The following MATN2 variants were observed in gnomAD, a reference collection of about 807,000 sequenced individuals.
The protein encoded by MATN2 is matrilin-2.
A neutral mutation model predicts 103.2 loss-of-function variants in MATN2; 69 were observed. The observed-to-expected ratio is 0.67, with a 90% CI of 0.55 to 0.82. The LOEUF (loss-of-function observed/expected upper bound fraction) is 0.82. MATN2 is among the 40% of genes least tolerant of loss of function. MATN2 has a pLI of 0.00. For synonymous variants in MATN2, 429 were observed against 450.2 expected, an observed-to-expected ratio of 0.95 and a Z score of 0.60; for missense variants, 1,023 against 1,211.5, an observed-to-expected ratio of 0.84 and a Z score of 2.31.
intron 6 of MATN2, among the ~76,000 whole-genome samples, chr8:97,990,498 C>T (rs1192844948): frequency 6.6e-6 from 1 of 152,188 alleles, no homozygotes; most frequent in African/African-American, 2.4e-5. Context: ...AAGCATATGT[C>T]CACACAAAAA....
At chr8:97,909,524 CTCT>C (rs1819288670) in intron 2 of MATN2, among the ~76,000 whole-genome samples, 1 of 152,136 alleles carries the variant, frequency 6.6e-6, no homozygotes, top group Non-Finnish European at 1.5e-5. Context: ...GAGAAGGTGA[CTCT>C]TCTTCACATA....
chr8:97,871,432 G>A (rs1322898985), intron 1 of MATN2, among the ~76,000 whole-genome samples: 1 of 152,194 alleles, frequency 6.6e-6, no homozygotes, highest in African/African-American at 2.4e-5. Flanking sequence ...CAGTAGGAGA[G>A]GTGAGTGGTT....
intron 2 of MATN2, among the ~76,000 whole-genome samples, chr8:97,918,302 G>A (rs1377913861): frequency 6.6e-6 from 1 of 152,110 alleles, no homozygotes; most frequent in East Asian, 1.9e-4. Flanking sequence ...TTGAGGCCAG[G>A]ACCTGACGAT....
intron 7 of MATN2, among the ~76,000 whole-genome samples, chr8:98,003,233 C>A (rs994977855): frequency 3.9e-5 from 6 of 152,262 alleles, no homozygotes; most frequent in Admixed American, 6.5e-5. Flanking sequence ...CAGGTGTTTG[C>A]GTTTGCTGTC....
intron 7 of MATN2, among the ~76,000 whole-genome samples, chr8:97,997,363 A>G (rs978391925): frequency 2.6e-5 from 4 of 152,360 alleles, no homozygotes; most frequent in South Asian, 2.1e-4. Flanking sequence ...CTGTAGGAAC[A>G]GGACTTCCTG....
At chr8:97,972,519 G>A (rs1297438904) in intron 5 of MATN2, among the ~76,000 whole-genome samples, 1 of 152,062 alleles carries the variant, frequency 6.6e-6, no homozygotes, top group Non-Finnish European at 1.5e-5. Flanking sequence ...TGACAAATTT[G>A]GTTTTTCTTA....
chr8:97,913,861 C>T (rs1203711516), intron 2 of MATN2, among the ~76,000 whole-genome samples: 1 of 152,198 alleles, frequency 6.6e-6, no homozygotes, highest in Admixed American at 6.5e-5. Flanking sequence ...CCGATCCGCC[C>T]GCCTTGGCCT....
At chr8:97,958,471 C>T (rs1332246384) in intron 4 of MATN2, among the ~76,000 whole-genome samples, 2 of 152,188 alleles carry the variant, frequency 1.3e-5, no homozygotes, top group African/African-American at 2.4e-5. Flanking sequence ...TAAACACATA[C>T]GTAGTTAACA....
At chr8:97,963,184 G>A (rs1811369529) in intron 5 of MATN2, among the ~76,000 whole-genome samples, 1 of 152,166 alleles carries the variant, frequency 6.6e-6, no homozygotes, top group African/African-American at 2.4e-5. Flanking sequence ...TTAACAAAAT[G>A]AGGTCACACT....
intron 2 of MATN2, among the ~76,000 whole-genome samples, chr8:97,910,844 G>T (rs192472345): frequency 2.5e-3 from 375 of 152,266 alleles, no homozygotes; most frequent in Non-Finnish European, 4.0e-3. Flanking sequence ...GGGTTGCTAT[G>T]AGGAGTAATG....
chr8:97,981,758 A>T (rs1171670134), intron 6 of MATN2, among the ~76,000 whole-genome samples: 1 of 152,166 alleles, frequency 6.6e-6, no homozygotes, highest in Admixed American at 6.5e-5. Context: ...CCACCCCAGC[A>T]CCAGCCCTAG....
chr8:97,973,779 A>G (rs1193004425), intron 5 of MATN2, among the ~76,000 whole-genome samples: 3 of 152,082 alleles, frequency 2.0e-5, no homozygotes, highest in Admixed American at 2.0e-4. Context: ...TATGTATCCC[A>G]GGCTGGTCTC....
chr8:97,950,571 C>T (rs1810914875), intron 4 of MATN2, among the ~76,000 whole-genome samples: 1 of 152,116 alleles, frequency 6.6e-6, no homozygotes, highest in African/African-American at 2.4e-5. Flanking sequence ...ACATTCAGAT[C>T]TTGGCTTCCC....
chr8:97,881,773 A>G (rs1194637693), intron 1 of MATN2, among the ~76,000 whole-genome samples: 3 of 152,198 alleles, frequency 2.0e-5, no homozygotes, highest in South Asian at 4.1e-4. Flanking sequence ...AGATGGATAC[A>G]TGCACTGACT....
chr8:97,925,905 T>C (rs1183407436), intron 2 of MATN2, among the ~76,000 whole-genome samples: 1 of 152,202 alleles, frequency 6.6e-6, no homozygotes, highest in African/African-American at 2.4e-5. Flanking sequence ...ACCAAATATT[T>C]ACAGTATGAT....
chr8:97,918,855 C>T (rs1201005419), intron 2 of MATN2, among the ~76,000 whole-genome samples: 1 of 152,224 alleles, frequency 6.6e-6, no homozygotes, highest in Admixed American at 6.5e-5. Flanking sequence ...CATTAATCCC[C>T]TGACTGTGCA....
At chr8:97,966,901 A>G (rs765760041) in intron 5 of MATN2, among the ~76,000 whole-genome samples, 4 of 152,220 alleles carry the variant, frequency 2.6e-5, no homozygotes, top group Non-Finnish European at 5.9e-5. Context: ...GAGATTAGCT[A>G]AAAGAAAAGG....
At chr8:97,972,556 C>T (rs1472391940) in intron 5 of MATN2, among the ~76,000 whole-genome samples, 1 of 152,172 alleles carries the variant, frequency 6.6e-6, no homozygotes, top group African/African-American at 2.4e-5. Context: ...CTTTAAACTC[C>T]AAATGCTCCT....
intron 2 of MATN2, among the ~76,000 whole-genome samples, chr8:97,925,195 A>G (rs1586420455): frequency 6.6e-6 from 1 of 152,134 alleles, no homozygotes; most frequent in Admixed American, 6.5e-5. Context: ...CGTTTGTCTT[A>G]TTTGAACACA....
Sources: allele counts gnomAD v4.1 joint callset (sites outside exome capture counted in the v4.1 genomes callset), GRCh38; gene constraint gnomAD v4.1.1; transcripts MANE v1.5; gene names NCBI Gene and HGNC (gene_info 2026-07-23, HGNC 2026-07-21).